Variants in ITGA9 observed in about 807,000 individuals in gnomAD.
ITGA9 encodes integrin alpha-9.
ITGA9 carries 56 observed loss-of-function variants against 127.8 expected under a neutral mutation model. The observed-to-expected ratio is 0.44, with a 90% CI of 0.35 to 0.55. The LOEUF is 0.55. ITGA9 is among the 20% of genes least tolerant of loss of function. The pLI, the probability that ITGA9 is intolerant of heterozygous loss-of-function variation, is 0.00. For synonymous variants in ITGA9, 508 were observed against 514.5 expected (o/e 0.99, Z 0.17); for missense variants, 1,196 against 1,347.1 (o/e 0.89, Z 1.76).
intron 16 of ITGA9, among the ~76,000 whole-genome samples, chr3:37,643,151 G>T (rs1042297950): frequency 6.6e-6 from 1 of 152,164 alleles, no homozygotes; most frequent in Admixed American, 6.5e-5. Context: ...CAGCAGTTTG[G>T]CTCAGCAGGA....
At chr3:37,608,681 G>T (rs1559548196) in intron 15 of ITGA9, among the ~76,000 whole-genome samples, 1 of 152,176 alleles carries the variant, frequency 6.6e-6, no homozygotes, top group Admixed American at 6.5e-5. Context: ...GCTTTTACTA[G>T]ATGTTTCAGT....
chr3:37,509,538 A>T (rs1199293325), intron 8 of ITGA9, among the ~76,000 whole-genome samples: 2 of 152,098 alleles, frequency 1.3e-5, no homozygotes, highest in Non-Finnish European at 2.9e-5. Context: ...GCCGAGTTAG[A>T]ACTGCTGTAC....
intron 14 of ITGA9, among the ~76,000 whole-genome samples, chr3:37,534,663 T>C (rs1699191244): frequency 6.6e-6 from 1 of 152,256 alleles, no homozygotes; most frequent in African/African-American, 2.4e-5. Flanking sequence ...AACATATTTA[T>C]TTTATCATTT....
At chr3:37,754,600 G>C (rs553161861) in intron 23 of ITGA9, among the ~76,000 whole-genome samples, 2 of 152,312 alleles carry the variant, frequency 1.3e-5, no homozygotes, top group East Asian at 3.9e-4. Flanking sequence ...TGATTTCCAG[G>C]AGGTAAAATT....
chr3:37,731,422 T>G (rs1392519068), intron 18 of ITGA9, among the ~76,000 whole-genome samples: 1 of 152,206 alleles, frequency 6.6e-6, no homozygotes, highest in South Asian at 2.1e-4. Context: ...CAGAGAGATG[T>G]TAGAAAACTA....
intron 15 of ITGA9, among the ~76,000 whole-genome samples, chr3:37,573,879 T>G (rs1462770251): frequency 6.6e-6 from 1 of 152,094 alleles, no homozygotes; most frequent in Non-Finnish European, 1.5e-5. Context: ...CCCACAAATA[T>G]TCCATCTATC....
intron 16 of ITGA9, among the ~76,000 whole-genome samples, chr3:37,640,024 G>A (rs1416862997): frequency 6.6e-6 from 1 of 152,100 alleles, no homozygotes; most frequent in Non-Finnish European, 1.5e-5. Flanking sequence ...CTCTTCTCAG[G>A]CTTCATCAGC....
chr3:37,743,633 C>T (rs150828430), intron 21 of ITGA9, among the ~76,000 whole-genome samples: 190 of 152,294 alleles, frequency 1.2e-3, no homozygotes, highest in African/African-American at 4.3e-3. Context: ...AAAATGTATA[C>T]TTTTATAATC....
rs138511540 is a variant in ITGA9, at chr3:37,818,943, G to A, written c.3062G>A (p.Arg1021Gln). 8.5e-5 allele frequency: 137 copies of A among 1,614,020 alleles called. No individual in the cohort carries two copies. The highest frequency in any genetic ancestry group is 1.6e-4 in the Middle Eastern group (1 of 6,082). Residue 1021 changes from arginine (R) to glutamine (Q), a missense_variant, in exon 28 of 28, where the codon CGG becomes CAG. Transcript: ENST00000264741. ...YKEIIEAEKN[R>Q]KENEDSWDWV... ...GAAATTATCGAAGCTGAGAAGAACC[G>A]GAAAGAGAATGAAGACAGTTGGGAC...
At chr3:37,679,922 T>C (rs1330297184) in intron 17 of ITGA9, among the ~76,000 whole-genome samples, 1 of 151,120 alleles carries the variant, frequency 6.6e-6, no homozygotes, top group African/African-American at 2.4e-5. Context: ...AACAAATGCA[T>C]AACCACAACT....
chr3:37,481,453 T>C (rs1345993507), intron 3 of ITGA9, 31 bp from the exon 4 acceptor site: 4 of 1,614,144 alleles, frequency 2.5e-6, no homozygotes, highest in Middle Eastern at 1.6e-4. Context: ...GGGCCAACTT[T>C]CCTGCTCTCA....
chr3:37,579,069 C>T (rs1699679353), intron 15 of ITGA9, among the ~76,000 whole-genome samples: 1 of 152,080 alleles, frequency 6.6e-6, no homozygotes, highest in African/African-American at 2.4e-5. Flanking sequence ...GAGAACTTGT[C>T]CTCTGGTATC....
At chr3:37,675,396 T>A (rs1488811906) in intron 17 of ITGA9, among the ~76,000 whole-genome samples, 2 of 152,210 alleles carry the variant, frequency 1.3e-5, no homozygotes, top group Non-Finnish European at 2.9e-5. Flanking sequence ...TGTTTCACTC[T>A]ACCCCTTCCC....
At chr3:37,729,519 A>G (rs921467988) in intron 18 of ITGA9, among the ~76,000 whole-genome samples, 10 of 152,194 alleles carry the variant, frequency 6.6e-5, no homozygotes, top group South Asian at 2.1e-4. Flanking sequence ...ACGTTCTAGC[A>G]TTTGGGAATT....
intron 11 of ITGA9, among the ~76,000 whole-genome samples, chr3:37,523,030 C>T (rs1009057551): frequency 6.6e-6 from 1 of 152,182 alleles, no homozygotes; most frequent in Non-Finnish European, 1.5e-5. Context: ...TCTTTTCCAG[C>T]TGGACATGTT....
intron 22 of ITGA9, chr3:37,748,802 C>T (rs1010859080): frequency 1.8e-5 from 13 of 742,390 alleles, no homozygotes; most frequent in African/African-American, 1.6e-4. Context: ...CTGGGTCCAA[C>T]TGAAGCACCA....
intron 13 of ITGA9, among the ~76,000 whole-genome samples, chr3:37,532,001 G>A (rs901001241): frequency 1.3e-5 from 2 of 152,166 alleles, no homozygotes; most frequent in African/African-American, 4.8e-5. Flanking sequence ...GGGTTTTATA[G>A]GGTGTCCATT....
intron 18 of ITGA9, among the ~76,000 whole-genome samples, chr3:37,710,952 A>G (rs1428300188): frequency 6.6e-6 from 1 of 152,222 alleles, no homozygotes; most frequent in Non-Finnish European, 1.5e-5. Context: ...ATCACATGTC[A>G]AAACCTAGTA....
rs1013818027 is a variant in ITGA9 at position 37,782,001 on chromosome 3, C to T, written c.2787+1980C>T. Among the ~76,000 whole-genome samples, 3 of 152,302 alleles carry T rather than the reference C, an allele frequency of 2.0e-5. No homozygotes were observed. In the East Asian group the frequency reaches 5.8e-4, roughly 29 times the overall value. On this transcript the variant is annotated intron_variant, in intron 25 of 27. Transcript: ENST00000264741. ...CTTTCTTCTCCCTTTGTACCTCTCC[C>T]TTTATAAAGGACAGTGTTGGAGGAG... is the stretch of plus-strand genomic sequence containing the variant.
Sources: allele counts gnomAD v4.1 joint callset (sites outside exome capture counted in the v4.1 genomes callset), GRCh38; gene constraint gnomAD v4.1.1; transcripts MANE v1.5; gene names NCBI Gene and HGNC (gene_info 2026-07-23, HGNC 2026-07-21).